PPFIA2: variants seen among roughly 807,000 people sequenced by gnomAD.
PPFIA2 encodes PPFI scaffold protein A2.
In PPFIA2, 46 loss-of-function variants were observed where a neutral mutation model predicts 175.5. That is an observed-to-expected ratio of 0.26 (90% CI 0.21 to 0.34). The LOEUF is 0.34. PPFIA2 is among the 10% of genes least tolerant of loss of function. The probability of loss-of-function intolerance (pLI) is 1.00; values close to 1 mark genes in which losing one functional copy is unlikely to be tolerated. For synonymous variants in PPFIA2, 568 were observed against 511.4 expected (o/e 1.11, Z -1.49); for missense variants, 1,179 against 1,506.1 (o/e 0.78, Z 3.60).
intron 28 of PPFIA2, among the ~76,000 whole-genome samples, chr12:81,268,380 C>T (rs1593435882): frequency 6.6e-6 from 1 of 151,706 alleles, no homozygotes; most frequent in Non-Finnish European, 1.5e-5. Context: ...CCTCGTGATC[C>T]GCCCGCCTCG....
At position 81,727,956 on chromosome 12, in the gene PPFIA2, C is replaced by G. The variant is rs368706414; in HGVS notation, c.249+26017G>C. On this transcript the variant is annotated intron_variant, in intron 3 of 32. Transcript: ENST00000549396. ...TTCTATTTCACGGGTTTATAAGGTT[C>G]TATCAGATAGTGTACAAAATATCTC... is the stretch of plus-strand genomic sequence containing the variant. 2.4e-3 allele frequency among the ~76,000 whole-genome samples: 356 copies of G among 151,448 alleles called. 2 individuals carry two copies. The highest frequency in any genetic ancestry group is 8.3e-3 in the African/African-American group (345 of 41,448).
At chr12:81,569,090 A>T (rs2071956256) in intron 4 of PPFIA2, among the ~76,000 whole-genome samples, 2 of 152,200 alleles carry the variant, frequency 1.3e-5, no homozygotes, top group South Asian at 4.1e-4. Flanking sequence ...TTTAGTTATC[A>T]ACATGCATTC....
intron 5 of PPFIA2, among the ~76,000 whole-genome samples, chr12:81,456,504 A>C (rs1279668710): frequency 2.6e-5 from 4 of 152,220 alleles, no homozygotes; most frequent in Non-Finnish European, 5.9e-5. Context: ...GCTCCCAGTT[A>C]GTAGAACTGT....
chr12:81,329,448 C>T (rs1036231938), intron 21 of PPFIA2, among the ~76,000 whole-genome samples: 1 of 152,138 alleles, frequency 6.6e-6, no homozygotes, highest in African/African-American at 2.4e-5. Context: ...CAAGACCACT[C>T]CTAAGGTGTG....
At chr12:81,305,128 G>A (rs981221278) in intron 22 of PPFIA2, among the ~76,000 whole-genome samples, 1 of 151,964 alleles carries the variant, frequency 6.6e-6, no homozygotes, top group African/African-American at 2.4e-5. Flanking sequence ...CCAGCTATGT[G>A]TTTTTTGGCT....
chr12:81,715,260 T>TCATATAC, intron 3 of PPFIA2, among the ~76,000 whole-genome samples: 1 of 151,744 alleles, frequency 6.6e-6, no homozygotes, highest in Admixed American at 6.6e-5. Context: ...GTGAACTGTT[T>TCATATAC]ATCTTCATTC....
intron 3 of PPFIA2, among the ~76,000 whole-genome samples, chr12:81,696,529 C>A (rs941853304): frequency 1.3e-5 from 2 of 152,138 alleles, no homozygotes; most frequent in African/African-American, 2.4e-5. Flanking sequence ...TATGAAGGAA[C>A]CTAGTCTTGC....
At chr12:81,551,623 C>A (rs998731288) in intron 4 of PPFIA2, among the ~76,000 whole-genome samples, 1 of 151,766 alleles carries the variant, frequency 6.6e-6, no homozygotes, top group Non-Finnish European at 1.5e-5. Context: ...GAAATAAACC[C>A]CCCATGGATA....
At position 81,446,590 on chromosome 12, in the gene PPFIA2, A is replaced by G. The variant is rs148429503; in HGVS notation, c.406-870T>C. Among the ~76,000 whole-genome samples the G allele has an allele frequency of 2.8e-3, 431 of 152,350 alleles. 2 individuals carry two copies. The highest frequency in any genetic ancestry group is 9.8e-3 in the African/African-American group (407 of 41,580). On this transcript the variant is annotated intron_variant, in intron 5 of 32. Coordinates refer to ENST00000549396, the MANE Select transcript of PPFIA2 (RefSeq NM_003625.5). ...ATTTTACTAGTGAAGAACCACACAC[A>G]GTTGGTGAGCATTATAGGAAAGGTC...
intron 4 of PPFIA2, among the ~76,000 whole-genome samples, chr12:81,479,246 T>G (rs1466122685): frequency 6.6e-6 from 1 of 151,946 alleles, no homozygotes; most frequent in East Asian, 1.9e-4. Flanking sequence ...CAACCCCTGC[T>G]TTTTTGTTTG....
intron 4 of PPFIA2, among the ~76,000 whole-genome samples, chr12:81,601,029 A>G (rs1420410092): frequency 1.3e-5 from 2 of 151,968 alleles, no homozygotes; most frequent in Admixed American, 6.6e-5. Flanking sequence ...CTGCATTTGC[A>G]TCAGCCAGAA....
intron 3 of PPFIA2, among the ~76,000 whole-genome samples, chr12:81,726,725 A>G (rs1372159730): frequency 6.6e-6 from 1 of 151,366 alleles, no homozygotes; most frequent in African/African-American, 2.4e-5. Context: ...TATTCGCTCA[A>G]AAAAGATTAT....
intron 4 of PPFIA2, among the ~76,000 whole-genome samples, chr12:81,517,184 G>A (rs1287076198): frequency 6.7e-6 from 1 of 148,240 alleles, no homozygotes; most frequent in African/African-American, 2.5e-5. Context: ...TCAAACTAGT[G>A]GGAAATTTGT....
At chr12:81,553,914 A>G (rs2068383237) in intron 4 of PPFIA2, among the ~76,000 whole-genome samples, 2 of 152,100 alleles carry the variant, frequency 1.3e-5, no homozygotes, top group Non-Finnish European at 2.9e-5. Flanking sequence ...TAAGAGCTGG[A>G]TAAGTGACTT....
chr12:81,645,470 GA>G (rs971321440), intron 4 of PPFIA2, among the ~76,000 whole-genome samples: 36 of 151,752 alleles, frequency 2.4e-4, no homozygotes, highest in African/African-American at 8.5e-4. Flanking sequence ...CACCAATACT[GA>G]AAAAAAATAG....
At chr12:81,381,688 G>A (rs2037739826) in intron 9 of PPFIA2, among the ~76,000 whole-genome samples, 1 of 152,120 alleles carries the variant, frequency 6.6e-6, no homozygotes, top group Non-Finnish European at 1.5e-5. Flanking sequence ...GGGGAGTAGT[G>A]AAGAGAAGAG....
intron 4 of PPFIA2, among the ~76,000 whole-genome samples, chr12:81,637,886 AG>A (rs2064319508): frequency 6.6e-6 from 1 of 152,200 alleles, no homozygotes; most frequent in African/African-American, 2.4e-5. Flanking sequence ...TTGAAAACAA[AG>A]AAAAAGGACA....
chr12:81,528,065 T>C (rs1219327565), intron 4 of PPFIA2, among the ~76,000 whole-genome samples: 2 of 152,094 alleles, frequency 1.3e-5, no homozygotes, highest in Non-Finnish European at 2.9e-5. Flanking sequence ...GTAAGTTCCA[T>C]GAAAGAGGGT....
chr12:81,499,798 C>T (rs1332146379), intron 4 of PPFIA2, among the ~76,000 whole-genome samples: 2 of 151,812 alleles, frequency 1.3e-5, no homozygotes, highest in Admixed American at 6.6e-5. Context: ...TAAAGCCAGA[C>T]ATCTTGTCAG....
Sources: allele counts gnomAD v4.1 joint callset (sites outside exome capture counted in the v4.1 genomes callset), GRCh38; gene constraint gnomAD v4.1.1; transcripts MANE v1.5; gene names NCBI Gene and HGNC (gene_info 2026-07-23, HGNC 2026-07-21).